The following CA10 variants were observed in gnomAD, a reference collection of about 807,000 sequenced individuals.
CA10 encodes carbonic anhydrase 10 (inactive), also known as carbonic anhydrase-related protein 10.
Under a neutral mutation model 44.2 loss-of-function variants are expected in CA10, and 14 were observed. The ratio of observed to expected loss-of-function variants is 0.32; its 90% confidence interval spans 0.21 to 0.50. The LOEUF is 0.50. Among genes scored for constraint, CA10 ranks in the 20% least tolerant of loss-of-function variants. The pLI, the probability that CA10 is intolerant of heterozygous loss-of-function variation, is 0.99. For missense variants in CA10, 350 were observed against 409.7 expected, an observed-to-expected ratio of 0.85 and a Z score of 1.26; for synonymous variants, 159 against 141.6, an observed-to-expected ratio of 1.12 and a Z score of -0.87.
chr17:52,136,145 G>C (rs1187148928), intron 1 of CA10, among the ~76,000 whole-genome samples: 1 of 152,168 alleles, frequency 6.6e-6, no homozygotes, highest in African/African-American at 2.4e-5. Flanking sequence ...AAAAGACGAG[G>C]CTGGCAGAAT....
chr17:52,067,537 C>A (rs907975377), intron 2 of CA10, among the ~76,000 whole-genome samples: 1 of 152,248 alleles, frequency 6.6e-6, no homozygotes, highest in Non-Finnish European at 1.5e-5. Context: ...CCCACTGGGG[C>A]ACTGCCTAGT....
chr17:51,631,666 A>C, intron 8 of CA10, 60 bp from the exon 9 acceptor site: 57 of 1,407,400 alleles, frequency 4.1e-5, no homozygotes, highest in Non-Finnish European at 5.2e-5. Flanking sequence ...AGGCATACTC[A>C]ATTAATTTGC....
intron 2 of CA10, among the ~76,000 whole-genome samples, chr17:52,020,963 T>C (rs1986120248): frequency 6.6e-6 from 1 of 152,088 alleles, no homozygotes; most frequent in Non-Finnish European, 1.5e-5. Flanking sequence ...CACTCATTGT[T>C]GCTGCAAAAG....
intron 3 of CA10, among the ~76,000 whole-genome samples, chr17:51,880,438 T>C (rs145832871): frequency 1.5e-4 from 23 of 152,236 alleles, no homozygotes; most frequent in Non-Finnish European, 3.1e-4. Context: ...AACAAGTAGA[T>C]GGGACGGCAT....
chr17:51,848,103 T>C (rs1208574718), intron 3 of CA10, among the ~76,000 whole-genome samples: 5 of 152,168 alleles, frequency 3.3e-5, no homozygotes, highest in African/African-American at 1.2e-4. Context: ...AGATAAGTAA[T>C]ATTTTCATGC....
intron 6 of CA10, among the ~76,000 whole-genome samples, chr17:51,643,501 G>A (rs866330369): frequency 6.6e-6 from 1 of 152,120 alleles, no homozygotes; most frequent in African/African-American, 2.4e-5. Context: ...CCCGAATTTA[G>A]TTCAGGCTAG....
chr17:51,729,300 G>A (rs1313776160), intron 4 of CA10, among the ~76,000 whole-genome samples: 1 of 152,048 alleles, frequency 6.6e-6, no homozygotes, highest in African/African-American at 2.4e-5. Context: ...CTTCTCTAAG[G>A]TTTTATTCAA....
intron 1 of CA10, 83 bp downstream of exon 1, chr17:52,157,643 G>T (rs1989835823): frequency 4.0e-6 from 5 of 1,248,586 alleles, no homozygotes; most frequent in Non-Finnish European, 5.8e-6. Flanking sequence ...TCTCTGCCCC[G>T]CGGCTATATA....
At chr17:51,797,887 A>G (rs540174309) in intron 3 of CA10, among the ~76,000 whole-genome samples, 18 of 148,744 alleles carry the variant, frequency 1.2e-4, no homozygotes, top group African/African-American at 3.7e-4. Context: ...AACGAAATCT[A>G]TATTTGACAA....
chr17:51,638,095 C>T (rs552580562), intron 6 of CA10, among the ~76,000 whole-genome samples: 1 of 152,220 alleles, frequency 6.6e-6, no homozygotes, highest in Non-Finnish European at 1.5e-5. Context: ...AGAAATTGCT[C>T]GTTCAGCCTT....
intron 3 of CA10, among the ~76,000 whole-genome samples, chr17:51,843,471 C>T (rs1978365118): frequency 6.6e-6 from 1 of 152,180 alleles, no homozygotes; most frequent in African/African-American, 2.4e-5. Context: ...ACCTCTGCTA[C>T]AGGGCAGGTT....
intron 2 of CA10, among the ~76,000 whole-genome samples, chr17:52,040,443 A>G (rs1275185642): frequency 6.6e-6 from 1 of 152,098 alleles, no homozygotes; most frequent in Non-Finnish European, 1.5e-5. Flanking sequence ...TAGGTCTTCA[A>G]ATAGAGAATC....
intron 3 of CA10, among the ~76,000 whole-genome samples, chr17:51,784,285 C>A (rs1217917388): frequency 6.6e-6 from 1 of 152,112 alleles, no homozygotes; most frequent in Non-Finnish European, 1.5e-5. Flanking sequence ...CGCCATCCAG[C>A]TGCTGCCCAG....
intron 3 of CA10, among the ~76,000 whole-genome samples, chr17:51,773,663 C>T (rs1417498849): frequency 6.6e-6 from 1 of 152,230 alleles, no homozygotes; most frequent in Non-Finnish European, 1.5e-5. Flanking sequence ...GAATACCTTC[C>T]TCAGGGTGCC....
At position 51,798,139 on chromosome 17, in the gene CA10, GCTTC is replaced by G. The variant is rs1325977768; in HGVS notation, c.280-50325_280-50322del. Among the ~76,000 whole-genome samples the G allele has an allele frequency of 2.0e-5, 3 of 152,292 alleles. No individual in the cohort carries two copies. In the East Asian group the frequency reaches 5.8e-4, roughly 29 times the overall value. ...GCCCTGTCCCTTAATGATGGCCACA[GCTTC>G]CTTCCTATTTTTCTATATTCATAAT... On this transcript the variant is annotated intron_variant, in intron 3 of 8. Transcript: ENST00000451037.
chr17:51,907,263 C>G (rs974718917), intron 3 of CA10, among the ~76,000 whole-genome samples: 3 of 152,020 alleles, frequency 2.0e-5, no homozygotes, highest in Admixed American at 2.0e-4. Flanking sequence ...CTCTTTGGCT[C>G]AATAATCAAC....
intron 4 of CA10, among the ~76,000 whole-genome samples, chr17:51,699,470 C>A (rs1915516992): frequency 6.6e-6 from 1 of 152,150 alleles, no homozygotes; most frequent in Admixed American, 6.5e-5. Flanking sequence ...ACACACACAG[C>A]CCCCAGGCCT....
At chr17:51,826,588 G>A (rs111618698) in intron 3 of CA10, among the ~76,000 whole-genome samples, 143 of 152,152 alleles carry the variant, frequency 9.4e-4, no homozygotes, top group African/African-American at 3.4e-3. Context: ...TGCTTGTGTG[G>A]ACATTCAGAG....
rs116142332 is a variant in CA10 at position 51,676,042 on chromosome 17, G to A, written c.466-22306C>T. 6.7e-3 allele frequency among the ~76,000 whole-genome samples: 1,022 copies of A among 152,286 alleles called. 11 individuals are homozygous for A. The highest frequency in any genetic ancestry group is 0.021 in the African/African-American group (874 of 41,546). On this transcript the variant is annotated intron_variant, in intron 4 of 8. Coordinates refer to ENST00000451037, the MANE Select transcript of CA10 (RefSeq NM_020178.5). ...GCAATGGCTGCTTATTGGGAGTCTT[G>A]GCACAAATAAGATTGGCTAGTGCTA...
Sources: gnomAD v4.1 joint callset for allele counts (sites outside exome capture counted in the v4.1 genomes callset) on GRCh38, gnomAD v4.1.1 for gene constraint, MANE v1.5 for transcripts, NCBI Gene and HGNC (gene_info 2026-07-23, HGNC 2026-07-21) for gene names.